The following EXOSC8 variants were observed in gnomAD, a reference collection of about 807,000 sequenced individuals.
The protein encoded by EXOSC8 is exosome component 8, also known as exosome complex component RRP43.
EXOSC8 carries 37 observed loss-of-function variants against 39.9 expected under a neutral mutation model. The observed-to-expected ratio is 0.93, with a 90% CI of 0.71 to 1.22. The LOEUF (loss-of-function observed/expected upper bound fraction) is 1.22, where lower values mean the gene tolerates loss of function less well. Among genes scored for constraint, EXOSC8 ranks in the 50% most tolerant of loss-of-function variants. EXOSC8 has a pLI of 0.00. For missense variants in EXOSC8, 313 were observed against 326.6 expected, an observed-to-expected ratio of 0.96 and a Z score of 0.32; for synonymous variants, 93 against 109.5, an observed-to-expected ratio of 0.85 and a Z score of 0.94.
intron 10 of EXOSC8, 82 bp downstream of exon 10, chr13:37,008,917 T>G: frequency 4.7e-6 from 4 of 854,100 alleles, no homozygotes; most frequent in Non-Finnish European, 7.7e-6. Context: ...CCAAATAGAA[T>G]ATGGGATATT....
At chr13:37,005,425 A>C (rs1252274108) in intron 5 of EXOSC8, among the ~76,000 whole-genome samples, 1 of 152,182 alleles carries the variant, frequency 6.6e-6, no homozygotes, top group Non-Finnish European at 1.5e-5. Flanking sequence ...TGTCAGAAAA[A>C]TAGAAATTTC....
At chr13:37,005,096 G>A (rs987219003) in intron 5 of EXOSC8, among the ~76,000 whole-genome samples, 5 of 151,844 alleles carry the variant, frequency 3.3e-5, no homozygotes, top group African/African-American at 1.2e-4. Context: ...CTGAGTGACA[G>A]AGTGAAACCC....
intron 4 of EXOSC8, 97 bp downstream of exon 4, chr13:37,003,104 G>T: frequency 1.4e-6 from 1 of 727,422 alleles, no homozygotes; most frequent in South Asian, 1.7e-5. Context: ...TGATTTGGTA[G>T]TTGGGTGTCA....
At chr13:37,006,866 G>A (rs1037195522) in intron 7 of EXOSC8, 109 bp from the exon 8 acceptor site, 10 of 662,388 alleles carry the variant, frequency 1.5e-5, no homozygotes, top group African/African-American at 9.2e-5. Flanking sequence ...AGCCTTGAAA[G>A]TTATCTTGCT....
intron 3 of EXOSC8, 120 bp from the exon 4 acceptor site, chr13:37,002,814 C>G (rs374256517): frequency 1.4e-6 from 1 of 719,168 alleles, no homozygotes; most frequent in Non-Finnish European, 2.5e-6. Flanking sequence ...TCATAAGCAA[C>G]TGAGAGGGGT....
chr13:37,004,951 C>CA (rs1212175048), intron 5 of EXOSC8, among the ~76,000 whole-genome samples: 2 of 151,750 alleles, frequency 1.3e-5, no homozygotes, highest in Non-Finnish European at 2.9e-5. Context: ...CCCGTATCTA[C>CA]AAAAAAAATC....
chr13:37,003,014 C>CT lies in EXOSC8; in HGVS notation c.192+8dup, dbSNP rs757760083. On this transcript the variant is annotated splice_region_variant and intron_variant, in intron 4 of 10. Transcript: ENST00000389704. ...AATCTGTGGAGTTAAAGCAGTAAGT[C>CT]TAAATATGTCCTATTGAGATTTGAG... 2.0e-6 allele frequency: 3 copies of CT among 1,512,492 alleles called. No homozygotes were observed. In the African/African-American group the frequency reaches 4.1e-5, roughly 21 times the overall value. 93.7% of individuals were successfully genotyped at this position (1,512,492 alleles called of 1,614,324 possible).
rs1245702250 is a variant in EXOSC8 at position 37,008,374 on chromosome 13, C to G, written c.608+197C>G. On this transcript the variant is annotated intron_variant, in intron 9 of 10. Coordinates refer to ENST00000389704, the MANE Select transcript of EXOSC8 (RefSeq NM_181503.3). The stretch of plus-strand genomic sequence containing the variant: ...TACCTGTTCCTTGGTTTACTTATAC[C>G]TGTGTAATGTTAATTTCCAATTCTT... Among the ~76,000 whole-genome samples the G allele has an allele frequency of 3.3e-5, 5 of 152,270 alleles. No individual in the cohort carries two copies. The East Asian group carries it at 9.7e-4, about 29-fold the overall frequency.
At position 37,000,832 on chromosome 13, in the gene EXOSC8, G is replaced by T; in HGVS notation, c.17+10G>T. ...TGGCGGCTGGGTTCAAGTGAGTGTT[G>T]GCGGGTGGCGGGTAGAGTTCTGTAC... On this transcript the variant is annotated intron_variant, in intron 1 of 10. Transcript: ENST00000389704. The T allele has an allele frequency of 1.3e-6, 2 of 1,565,944 alleles. No homozygotes were observed. Among genetic ancestry groups the T allele is most frequent in the Non-Finnish European group, 8.7e-7 (1 of 1,155,740 alleles).
At chr13:37,002,210 A>G (rs2059110855) in intron 1 of EXOSC8, 63 bp from the exon 2 acceptor site, 4 of 1,277,376 alleles carry the variant, frequency 3.1e-6, no homozygotes, top group Middle Eastern at 1.8e-4. Context: ...ATCTTTGCCA[A>G]TTTCTGGATT....
In EXOSC8 at chr13:37,009,586, AT is replaced by A; in HGVS notation, c.*289del. The A allele has an allele frequency of 6.6e-7, 1 of 1,517,778 alleles. No individual in the cohort carries two copies. Among genetic ancestry groups the A allele is most frequent in the Non-Finnish European group, 9.1e-7 (1 of 1,094,310 alleles). 94.0% of individuals were successfully genotyped at this position (1,517,778 alleles called of 1,614,324 possible). On this transcript the variant is annotated 3_prime_UTR_variant, in exon 11 of 11. Transcript: ENST00000389704. ...ATCTAGCAATGTAAAATACTGACAC[AT>A]TAAAAAAAACAAAAAGTAGAAACTC...
chr13:37,008,477 C>T (rs554021698), intron 9 of EXOSC8, among the ~76,000 whole-genome samples: 5 of 152,276 alleles, frequency 3.3e-5, no homozygotes, highest in Admixed American at 6.5e-5. Context: ...AGAGCAGGGC[C>T]GGGCATGGTG....
intron 5 of EXOSC8, among the ~76,000 whole-genome samples, chr13:37,004,938 G>C (rs1316710064): frequency 6.6e-6 from 1 of 152,070 alleles, no homozygotes; most frequent in African/African-American, 2.4e-5. Context: ...AAACAAAGGA[G>C]ACCCCGTATC....
At chr13:37,002,610 C>T in intron 3 of EXOSC8, 59 bp downstream of exon 3, 1 of 1,166,144 alleles carries the variant, frequency 8.6e-7, no homozygotes, top group East Asian at 2.4e-5. Flanking sequence ...GTCTATGAAC[C>T]AGCCAAACAG....
chr13:37,008,008 C>A (rs985212680), intron 8 of EXOSC8, 49 bp from the exon 9 acceptor site: 19 of 1,360,470 alleles, frequency 1.4e-5, no homozygotes, highest in East Asian at 2.4e-5. Context: ...GCTTAGAAAT[C>A]ATTTGTTTCT....
chr13:37,001,931 T>C (rs553196298), intron 1 of EXOSC8: 10 of 185,968 alleles, frequency 5.4e-5, no homozygotes, highest in Non-Finnish European at 1.1e-4. Flanking sequence ...TAACTATTCA[T>C]GATCACTAGA....
Position 37,005,684 on chromosome 13 carries a change from G to C in EXOSC8, c.239-236G>C, listed in dbSNP as rs1411881702. Among the ~76,000 whole-genome samples, 3 of 151,826 alleles carry C rather than the reference G, an allele frequency of 2.0e-5. No individual in the cohort carries two copies. In the East Asian group the frequency reaches 5.8e-4, roughly 29 times the overall value. ...CGATCGAGACCATCTTGGCCAATAT[G>C]GTAAAACCCTGTCTACTAAAATACA... On this transcript the variant is annotated intron_variant, in intron 5 of 10. Transcript: ENST00000389704.
chr13:37,007,056 G>A lies in EXOSC8; in HGVS notation c.472G>A (p.Ala158Thr). 6.2e-7 allele frequency: 1 copy of A among 1,611,692 alleles called. No individual in the cohort carries two copies. The highest frequency in any genetic ancestry group is 1.7e-4 in the Middle Eastern group (1 of 6,060). ...GGATGCCTGCACATTTGCTTTGCTA[G>A]CGGCTTTAAAAAATGGTAAGCAGCC... The part of the protein sequence containing the change: ...ILDACTFALL[A>T]ALKNVQLPEV... Residue 158 changes from alanine to threonine, a missense_variant, in exon 8 of 11, where the codon GCG becomes ACG. Physicochemically the swap from Ala to Thr is moderately conservative, Grantham distance 58 (BLOSUM62 0). Coordinates refer to ENST00000389704, the MANE Select transcript of EXOSC8 (RefSeq NM_181503.3).
chr13:37,000,952 G>T (rs1042615169), intron 1 of EXOSC8, 130 bp downstream of exon 1: 6 of 1,171,294 alleles, frequency 5.1e-6, no homozygotes, highest in East Asian at 5.6e-5. Flanking sequence ...CGTCGAGGCA[G>T]ACGATGGGCG....
Sources: allele counts gnomAD v4.1 joint callset (sites outside exome capture counted in the v4.1 genomes callset), GRCh38; gene constraint gnomAD v4.1.1; transcripts MANE v1.5; gene names NCBI Gene and HGNC (gene_info 2026-07-23, HGNC 2026-07-21).